Variants in MAST2 observed in about 807,000 individuals in gnomAD.
The protein encoded by MAST2 is microtubule associated serine/threonine kinase 2.
In MAST2, 70 loss-of-function variants were observed where a neutral mutation model predicts 147.4. The ratio of observed to expected loss-of-function variants is 0.47; its 90% confidence interval spans 0.39 to 0.58. The LOEUF (loss-of-function observed/expected upper bound fraction) is 0.58. MAST2 is among the 20% of genes least tolerant of loss of function. The pLI is 0.00. For synonymous variants in MAST2, 869 were observed against 896.8 expected (o/e 0.97, Z 0.55); for missense variants, 2,080 against 2,302.3 (o/e 0.90, Z 1.98).
At chr1:46,003,021 T>G (rs1027523847) in intron 7 of MAST2, 138 bp downstream of exon 7, 7 of 852,142 alleles carry the variant, frequency 8.2e-6, no homozygotes, top group Non-Finnish European at 1.3e-5. Flanking sequence ...TGATGTTGGG[T>G]GCAACAGAGG....
At chr1:45,974,742 G>C (rs1054697916) in intron 5 of MAST2, among the ~76,000 whole-genome samples, 2 of 152,180 alleles carry the variant, frequency 1.3e-5, no homozygotes, top group African/African-American at 4.8e-5. Context: ...GTAGTATGAA[G>C]AGCCAAAGTT....
rs763061120 is a variant in MAST2, at chr1:46,019,618, C to G, written c.1211C>G (p.Ser404Ter). The G allele has an allele frequency of 1.2e-6, 2 of 1,613,910 alleles. No individual in the cohort carries two copies. Among genetic ancestry groups the G allele is most frequent in the African/African-American group, 1.3e-5 (1 of 74,892 alleles). ...LQDAHERSES[S>*]EVAFVMQLVK... ...TAGGCTCATGAGCGCTCAGAGAGCT[C>G]AGAAGTGGCTTTTGTGATGCAGCTG... is the stretch of plus-strand genomic sequence containing the variant. Residue 404 changes from serine to a stop codon, truncating the protein, a stop_gained, in exon 11 of 29, where the codon TCA becomes TGA. Transcript: ENST00000361297. LOFTEE classifies it high-confidence loss of function.
intron 4 of MAST2, among the ~76,000 whole-genome samples, chr1:45,936,513 T>C (rs934933797): frequency 3.3e-5 from 5 of 152,126 alleles, no homozygotes; most frequent in African/African-American, 7.2e-5. Flanking sequence ...ACGGCTCTTA[T>C]TATTTTGAGG....
At chr1:45,841,520 G>C (rs777885514) in intron 3 of MAST2, among the ~76,000 whole-genome samples, 3 of 151,660 alleles carry the variant, frequency 2.0e-5, no homozygotes, top group Non-Finnish European at 4.4e-5. Flanking sequence ...TATGTAGCTG[G>C]GACCACAGGT....
chr1:45,859,514 G>A (rs1319229738), intron 3 of MAST2, among the ~76,000 whole-genome samples: 4 of 152,112 alleles, frequency 2.6e-5, no homozygotes, highest in Non-Finnish European at 5.9e-5. Context: ...ACAAAGTGGT[G>A]CGTGCAAGAG....
At chr1:46,008,407 C>T (rs1164825854) in intron 9 of MAST2, 36 bp downstream of exon 9, 2 of 1,468,034 alleles carry the variant, frequency 1.4e-6, no homozygotes, top group East Asian at 2.3e-5. Flanking sequence ...GGCAATACCC[C>T]TCCGGGTGGC....
At chr1:46,028,390 T>A (rs1646502298) in intron 17 of MAST2, among the ~76,000 whole-genome samples, 1 of 152,160 alleles carries the variant, frequency 6.6e-6, no homozygotes, top group African/African-American at 2.4e-5. Flanking sequence ...AGGCAGCCTC[T>A]GGATGTTCCC....
intron 4 of MAST2, among the ~76,000 whole-genome samples, chr1:45,950,210 TA>T (rs1166290920): frequency 6.6e-6 from 1 of 152,022 alleles, no homozygotes; most frequent in Non-Finnish European, 1.5e-5. Context: ...CCCCTGAACC[TA>T]AAAAATAATA....
chr1:45,839,466 T>C (rs1645208100), intron 3 of MAST2, among the ~76,000 whole-genome samples: 1 of 152,032 alleles, frequency 6.6e-6, no homozygotes, highest in Non-Finnish European at 1.5e-5. Context: ...AGAGATGGGG[T>C]TTCGCCATGT....
At chr1:45,838,986 T>C (rs1645188609) in intron 3 of MAST2, among the ~76,000 whole-genome samples, 1 of 152,154 alleles carries the variant, frequency 6.6e-6, no homozygotes. Flanking sequence ...CTTTTTTTTT[T>C]CCTTTGAGAC....
Position 46,028,874 on chromosome 1 carries a change from TG to T in MAST2, c.2162del (p.Gly721AlafsTer17), listed in dbSNP as rs750358040. The T allele has an allele frequency of 6.2e-7, 1 of 1,613,324 alleles. No homozygotes were observed. Among genetic ancestry groups the T allele is most frequent in the African/African-American group, 1.3e-5 (1 of 75,002 alleles). On this transcript the variant is annotated frameshift_variant, in exon 18 of 29. Transcript: ENST00000361297. LOFTEE classifies it high-confidence loss of function. ...AMGIILYEFL[V>X]GCVPFFGDTP... is the part of the protein sequence containing the mutation. ...GGCATTATCCTGTATGAGTTCCTGG[TG>T]GGCTGCGTCCCTTTTTTTGGAGATA...
chr1:45,887,801 C>T (rs780489369), intron 4 of MAST2, among the ~76,000 whole-genome samples: 5 of 152,170 alleles, frequency 3.3e-5, no homozygotes, highest in Non-Finnish European at 7.3e-5. Flanking sequence ...TGCAATCTTT[C>T]AAGACTCTAA....
intron 16 of MAST2, among the ~76,000 whole-genome samples, chr1:46,027,469 T>C (rs1309949842): frequency 6.6e-6 from 1 of 152,112 alleles, no homozygotes; most frequent in Non-Finnish European, 1.5e-5. Context: ...GCCCCCAACA[T>C]AGAATACAGT....
intron 4 of MAST2, among the ~76,000 whole-genome samples, chr1:45,891,979 C>G (rs945605551): frequency 5.9e-5 from 9 of 152,050 alleles, no homozygotes; most frequent in Non-Finnish European, 1.3e-4. Context: ...CCTTCCTTAC[C>G]ATCTGTAAGT....
rs368287625 is a variant in MAST2, at chr1:46,035,558, T to C, written c.4889T>C (p.Leu1630Pro). 1 of 1,613,474 alleles carries C rather than the reference T, an allele frequency of 6.2e-7. No individual in the cohort carries two copies. The highest frequency in any genetic ancestry group is 2.2e-5 in the East Asian group (1 of 44,848). Residue 1630 changes from leucine (L) to proline (P), a missense_variant, in exon 29 of 29, where the codon CTT becomes CCT. Around this residue, in one of 4 missense-constraint regions of MAST2, gnomAD observed 1,278 missense variants for 1,304.2 expected, o/e 0.98. Transcript: ENST00000361297. The surrounding 1 kb of genome is among the most constrained non-coding windows in gnomAD (Gnocchi z 5.5). ...CTCCACACCCAGGCACTAACAGCACTTTCTCCCAGCACTTCGGGACTCACC... is the reference window on the plus strand; with the variant it reads ...CTCCACACCCAGGCACTAACAGCACCTTCTCCCAGCACTTCGGGACTCACC... ...QHLHTQALTA[L>P]SPSTSGLTPT...
chr1:45,869,980 A>G (rs11211209), intron 3 of MAST2, among the ~76,000 whole-genome samples: 43,379 of 151,848 alleles, frequency 0.29, 6,323 homozygotes, highest in South Asian at 0.39. Flanking sequence ...CTGGAGTGCA[A>G]TGGTGCAATC....
chr1:46,010,985 T>C (rs1448649848), intron 10 of MAST2, 46 bp downstream of exon 10: 1 of 1,518,838 alleles, frequency 6.6e-7, no homozygotes, highest in South Asian at 1.1e-5. Context: ...CCACCTGGTA[T>C]TGGATTTGTA....
At chr1:45,810,628 A>T (rs1382480571) in intron 1 of MAST2, among the ~76,000 whole-genome samples, 1 of 151,154 alleles carries the variant, frequency 6.6e-6, no homozygotes, top group Non-Finnish European at 1.5e-5. Flanking sequence ...CCTGGCCAAC[A>T]TGATGAAACC....
intron 10 of MAST2, among the ~76,000 whole-genome samples, chr1:46,014,407 T>C (rs1645846721): frequency 6.9e-6 from 1 of 144,928 alleles, no homozygotes; most frequent in South Asian, 2.2e-4. Context: ...TTCCCACCTA[T>C]GAGTGAGAAT....
Sources: allele counts gnomAD v4.1 joint callset (sites outside exome capture counted in the v4.1 genomes callset), GRCh38; gene constraint gnomAD v4.1.1; regional missense constraint gnomAD v4.1.1; non-coding constraint Gnocchi (gnomAD v3.1); transcripts MANE v1.5; gene names NCBI Gene and HGNC (gene_info 2026-07-23, HGNC 2026-07-21).